Variants in CFAP299 observed in about 807,000 individuals in gnomAD.
CFAP299 encodes the protein cilia and flagella associated protein 299.
CFAP299 carries 21 observed loss-of-function variants against 27.0 expected under a neutral mutation model. The ratio of observed to expected loss-of-function variants is 0.78; its 90% CI spans 0.55 to 1.12. The LOEUF (loss-of-function observed/expected upper bound fraction) is 1.12, where lower values mean the gene tolerates loss of function less well. Among genes scored for constraint, CFAP299 ranks in the 50% most tolerant of loss-of-function variants. CFAP299 has a pLI of 0.00. For synonymous variants in CFAP299, 104 were observed against 98.1 expected, an observed-to-expected ratio of 1.06 and a Z score of -0.36; for missense variants, 310 against 276.6, an observed-to-expected ratio of 1.12 and a Z score of -0.86.
intron 4 of CFAP299, among the ~76,000 whole-genome samples, chr4:80,891,071 C>T (rs1002275891): frequency 6.6e-6 from 1 of 151,232 alleles, no homozygotes; most frequent in African/African-American, 2.4e-5. Flanking sequence ...TTAATTAGAT[C>T]CCATTTGTCA....
In CFAP299 at chr4:80,342,425, C is replaced by A. The variant is rs1417945327; in HGVS notation, c.111+6546C>A. 2.0e-5 allele frequency among the ~76,000 whole-genome samples: 3 copies of A among 152,078 alleles called. No homozygotes were observed. In the East Asian group the frequency reaches 5.8e-4, roughly 29 times the overall value. ...TGTTAAAGGCAGCCGCAGAGAAAGGCCAGGTCACCTACAAAGGGAAACCTA... is the reference window on the plus strand; with the variant it reads ...TGTTAAAGGCAGCCGCAGAGAAAGGACAGGTCACCTACAAAGGGAAACCTA... On this transcript the variant is annotated intron_variant, in intron 1 of 5. Transcript: ENST00000358105.
intron 2 of CFAP299, among the ~76,000 whole-genome samples, chr4:80,550,108 T>C (rs1233750540): frequency 3.3e-5 from 5 of 152,018 alleles, no homozygotes; most frequent in African/African-American, 1.2e-4. Flanking sequence ...TTATGATTAT[T>C]GTATATGATT....
chr4:80,540,531 A>T (rs1733950111), intron 2 of CFAP299, among the ~76,000 whole-genome samples: 1 of 152,198 alleles, frequency 6.6e-6, no homozygotes, highest in African/African-American at 2.4e-5. Context: ...TTCTGATGAC[A>T]CAGAGAGATT....
At chr4:80,650,276 AT>A (rs1208678678) in intron 3 of CFAP299, among the ~76,000 whole-genome samples, 1 of 152,104 alleles carries the variant, frequency 6.6e-6, no homozygotes, top group East Asian at 1.9e-4. Context: ...AATTAAAAAT[AT>A]TTTTATCCTA....
intron 2 of CFAP299, among the ~76,000 whole-genome samples, chr4:80,375,268 A>G (rs1724346423): frequency 6.6e-6 from 1 of 152,316 alleles, no homozygotes; most frequent in South Asian, 2.1e-4. Context: ...TTATTAACCT[A>G]TAGGGCATCA....
intron 2 of CFAP299, among the ~76,000 whole-genome samples, chr4:80,365,555 C>T (rs979170787): frequency 3.9e-5 from 6 of 152,056 alleles, no homozygotes; most frequent in South Asian, 2.1e-4. Flanking sequence ...AGGAATTTAC[C>T]GAACATAGTT....
intron 2 of CFAP299, among the ~76,000 whole-genome samples, chr4:80,474,562 C>T (rs183437383): frequency 1.4e-4 from 22 of 152,236 alleles, no homozygotes; most frequent in Non-Finnish European, 2.2e-4. Context: ...CTTTGATAAA[C>T]AATTTAACTA....
chr4:80,684,544 A>T (rs943877832), intron 3 of CFAP299, among the ~76,000 whole-genome samples: 2 of 152,214 alleles, frequency 1.3e-5, no homozygotes, highest in Admixed American at 6.5e-5. Flanking sequence ...CTGGGATTAC[A>T]GGCGTGAGCC....
chr4:80,665,458 A>G (rs1041341079), intron 3 of CFAP299, among the ~76,000 whole-genome samples: 1 of 148,764 alleles, frequency 6.7e-6, no homozygotes, highest in African/African-American at 2.5e-5. Flanking sequence ...CACTTTTTTT[A>G]CTCAGTTCTT....
rs80176169 is a variant in CFAP299, at chr4:80,344,542, T to C, written c.111+8663T>C. 3.0e-3 allele frequency among the ~76,000 whole-genome samples: 450 copies of C among 152,218 alleles called. 1 individual carries two copies. Among genetic ancestry groups the C allele is most frequent in the African/African-American group, 0.01 (432 of 41,536 alleles). ...ATCAAAAAAAGCCCAAGACCAGATG[T>C]ATTTACACCTGAATTCTACCAGAGG... is the stretch of plus-strand genomic sequence containing the variant. On this transcript the variant is annotated intron_variant, in intron 1 of 5. Coordinates refer to ENST00000358105, the MANE Select transcript of CFAP299 (RefSeq NM_152770.3).
chr4:80,830,782 A>G (rs1438056437), intron 3 of CFAP299, among the ~76,000 whole-genome samples: 1 of 152,052 alleles, frequency 6.6e-6, no homozygotes, highest in African/African-American at 2.4e-5. Context: ...ACAAGAATGG[A>G]TACAAATGGA....
chr4:80,799,693 T>G (rs1274230690), intron 3 of CFAP299, among the ~76,000 whole-genome samples: 1 of 55,508 alleles, frequency 1.8e-5, no homozygotes, highest in East Asian at 8.2e-4. Context: ...AAATATATAA[T>G]ATATAAAATA....
intron 3 of CFAP299, among the ~76,000 whole-genome samples, chr4:80,790,045 C>T (rs1420591384): frequency 6.6e-6 from 1 of 151,960 alleles, no homozygotes; most frequent in African/African-American, 2.4e-5. Flanking sequence ...TATTTTCACC[C>T]CCAAAATCAA....
At chr4:80,513,754 T>A (rs1732435370) in intron 2 of CFAP299, among the ~76,000 whole-genome samples, 1 of 152,108 alleles carries the variant, frequency 6.6e-6, no homozygotes, top group Non-Finnish European at 1.5e-5. Flanking sequence ...AATTTAATAG[T>A]ATTTTTTTCC....
intron 4 of CFAP299, among the ~76,000 whole-genome samples, chr4:80,890,574 C>T (rs983547537): frequency 1.7e-4 from 25 of 149,494 alleles, no homozygotes; most frequent in Non-Finnish European, 3.4e-4. Flanking sequence ...GGGTATATAC[C>T]CAGTAATGGG....
intron 3 of CFAP299, among the ~76,000 whole-genome samples, chr4:80,688,383 C>A (rs948745678): frequency 6.9e-6 from 1 of 145,816 alleles, no homozygotes; most frequent in African/African-American, 2.6e-5. Flanking sequence ...TCCCTGACCC[C>A]TGACCCATGA....
intron 2 of CFAP299, among the ~76,000 whole-genome samples, chr4:80,449,287 T>C (rs1728783547): frequency 6.6e-6 from 1 of 151,744 alleles, no homozygotes; most frequent in African/African-American, 2.4e-5. Context: ...CTTAAGTTTT[T>C]CTTAGAAATT....
intron 2 of CFAP299, among the ~76,000 whole-genome samples, chr4:80,470,460 T>G (rs1729939963): frequency 8.4e-6 from 1 of 119,700 alleles, no homozygotes; most frequent in African/African-American, 4.6e-5. Context: ...CATGGTATCA[T>G]TTTATGTATT....
At chr4:80,875,579 G>T (rs1375879053) in intron 4 of CFAP299, among the ~76,000 whole-genome samples, 1 of 151,096 alleles carries the variant, frequency 6.6e-6, no homozygotes, top group Admixed American at 6.6e-5. Context: ...CAGGAGAATC[G>T]CTTGAACCTG....
Sources: gnomAD v4.1 joint callset for allele counts (sites outside exome capture counted in the v4.1 genomes callset) on GRCh38, gnomAD v4.1.1 for gene constraint, MANE v1.5 for transcripts, NCBI Gene and HGNC (gene_info 2026-07-23, HGNC 2026-07-21) for gene names.